DRC1: variants seen among roughly 807,000 people sequenced by gnomAD.
DRC1 encodes the protein dynein regulatory complex protein 1.
Under a neutral mutation model 98.7 loss-of-function variants are expected in DRC1, and 74 were observed. The observed-to-expected ratio is 0.75, with a 90% CI of 0.62 to 0.91. DRC1 has a LOEUF of 0.91. DRC1 is among the 40% of genes least tolerant of loss of function. The pLI, the probability that DRC1 is intolerant of heterozygous loss-of-function variation, is 0.00. For missense variants in DRC1, 875 were observed against 886.0 expected, an observed-to-expected ratio of 0.99 and a Z score of 0.16; for synonymous variants, 336 against 334.1, an observed-to-expected ratio of 1.01 and a Z score of -0.06.
At chr2:26,424,867 G>A (rs750632277) in intron 4 of DRC1, among the ~76,000 whole-genome samples, 13 of 152,194 alleles carry the variant, frequency 8.5e-5, no homozygotes, top group Admixed American at 3.3e-4. Context: ...CAGGAGGGTC[G>A]CCTTAACATG....
At chr2:26,427,109 A>C (rs1457631699) in intron 4 of DRC1, among the ~76,000 whole-genome samples, 1 of 152,006 alleles carries the variant, frequency 6.6e-6, no homozygotes, top group East Asian at 1.9e-4. Flanking sequence ...AAATTTTTTA[A>C]ACATTTAATT....
At chr2:26,430,499 AG>A (rs1333344980) in intron 5 of DRC1, 1 of 533,032 alleles carries the variant, frequency 1.9e-6, no homozygotes, top group Non-Finnish European at 3.7e-6. Flanking sequence ...GACTGCCAAC[AG>A]GGGCACTGGC....
intron 3 of DRC1, among the ~76,000 whole-genome samples, chr2:26,422,423 C>A (rs997523420): frequency 2.0e-5 from 3 of 152,154 alleles, no homozygotes; most frequent in Non-Finnish European, 4.4e-5. Context: ...CAAGAACCTG[C>A]GTCAAGTCCT....
chr2:26,424,625 G>A (rs1663237436), intron 4 of DRC1, among the ~76,000 whole-genome samples, 171 bp downstream of exon 4: 1 of 152,134 alleles, frequency 6.6e-6, no homozygotes, highest in African/African-American at 2.4e-5. Flanking sequence ...GAAACACATA[G>A]CATTAAATTT....
Position 26,429,743 on chromosome 2 carries a change from G to A in DRC1, c.656G>A (p.Arg219His), listed in dbSNP as rs541474349. Residue 219 changes from arginine (R) to histidine (H), a missense_variant, in exon 5 of 17, where the codon CGT (arginine) becomes CAT (histidine). By Grantham distance (29) the Arg-to-His change is conservative (BLOSUM62 0). Transcript: ENST00000288710. ...EQVKNVMKTFREELYNIEKAF... is the reference protein window; with the variant it reads ...EQVKNVMKTFHEELYNIEKAF... The stretch of plus-strand genomic sequence containing the variant: ...GTGAAGAATGTGATGAAAACCTTTC[G>A]TGAGGAGCTCTATAACATTGAGGTA... 56 of 1,614,118 alleles carry A rather than the reference G, an allele frequency of 3.5e-5. No individual in the cohort carries two copies. The South Asian group carries it at 3.7e-4, about 11-fold the overall frequency.
At chr2:26,414,021 C>A (rs768914991) in intron 1 of DRC1, among the ~76,000 whole-genome samples, 15 of 151,320 alleles carry the variant, frequency 9.9e-5, no homozygotes, top group Non-Finnish European at 1.6e-4. Context: ...CCTCCCAAAG[C>A]GCTGGGATTA....
In DRC1 at chr2:26,420,965, T is replaced by C. The variant is rs181580152; in HGVS notation, c.244-323T>C. On this transcript the variant is annotated intron_variant, in intron 2 of 16. Coordinates refer to ENST00000288710, the MANE Select transcript of DRC1 (RefSeq NM_145038.5). ...TTTTAGTAGAGATGGGGTTTCACCATGTTGGCCAAGCTGGTCTCGAACTCC... is the reference window on the plus strand; with the variant it reads ...TTTTAGTAGAGATGGGGTTTCACCACGTTGGCCAAGCTGGTCTCGAACTCC... Among the ~76,000 whole-genome samples the C allele has an allele frequency of 7.7e-4, 117 of 152,104 alleles. 1 individual carries two copies. The East Asian group carries it at 0.015, about 20-fold the overall frequency.
In DRC1 at chr2:26,444,771, G is replaced by A. The variant is rs1182364971; in HGVS notation, c.1219G>A (p.Glu407Lys). 4 of 1,614,086 alleles carry A rather than the reference G, an allele frequency of 2.5e-6. No individual in the cohort carries two copies. The highest frequency in any genetic ancestry group is 3.4e-6 in the Non-Finnish European group (4 of 1,180,028). ...TTGGGAGATTTGGCTGATGAATGAA[G>A]AGGAGGCGAAGGACCTAATAGCCAG... is the stretch of plus-strand genomic sequence containing the variant. Reference protein sequence around the residue: ...KFWEIWLMNEEEAKDLIARAF... With the variant: ...KFWEIWLMNEKEAKDLIARAF... Residue 407 changes from glutamate (E) to lysine (K), a missense_variant, in exon 10 of 17, where the codon GAG becomes AAG. Physicochemically the swap from Glu to Lys is moderately conservative, Grantham distance 56. Transcript: ENST00000288710.
In DRC1 at chr2:26,424,385, C is replaced by G; in HGVS notation, c.471C>G (p.Leu157=). The G allele has an allele frequency of 6.2e-7, 1 of 1,613,850 alleles. No individual in the cohort carries two copies. The highest frequency in any genetic ancestry group is 8.5e-7 in the Non-Finnish European group (1 of 1,179,982). The change falls in exon 4 of 17, where the codon CTC becomes CTG. Residue 157 remains leucine, a synonymous_variant. Coordinates refer to ENST00000288710, the MANE Select transcript of DRC1 (RefSeq NM_145038.5). ...KRIPQELWEM[L]NTQQLHCAGL... is the part of the protein sequence containing the mutation. The stretch of plus-strand genomic sequence containing the variant: ...TTCCCCAAGAGCTGTGGGAAATGCT[C>G]AATACCCAACAGCTGCACTGTGCTG...
chr2:26,424,004 G>T (rs576942316), intron 3 of DRC1, among the ~76,000 whole-genome samples: 2 of 152,280 alleles, frequency 1.3e-5, no homozygotes, highest in East Asian at 3.9e-4. Flanking sequence ...GTGTGTGCGT[G>T]TGCACGCGTG....
In DRC1 at chr2:26,423,998, G is replaced by T. The variant is rs535011321; in HGVS notation, c.357-273G>T. Among the ~76,000 whole-genome samples the T allele has an allele frequency of 5.9e-5, 9 of 152,324 alleles. No individual in the cohort carries two copies. The East Asian group carries it at 1.7e-3, about 29-fold the overall frequency. On this transcript the variant is annotated intron_variant, in intron 3 of 16. Coordinates refer to ENST00000288710, the MANE Select transcript of DRC1 (RefSeq NM_145038.5). ...AGGTGACCAATCGATCTTGGTGTGTGTGCGTGTGCACGCGTGTGTATGTGT... is the reference window on the plus strand; with the variant it reads ...AGGTGACCAATCGATCTTGGTGTGTTTGCGTGTGCACGCGTGTGTATGTGT...
intron 7 of DRC1, among the ~76,000 whole-genome samples, chr2:26,438,717 C>G (rs545416058): frequency 6.6e-6 from 1 of 152,270 alleles, no homozygotes. Flanking sequence ...AGCCAGGGGC[C>G]CTCCTCGAGT....
At chr2:26,423,451 AG>A (rs1663201417) in intron 3 of DRC1, among the ~76,000 whole-genome samples, 1 of 152,038 alleles carries the variant, frequency 6.6e-6, no homozygotes, top group African/African-American at 2.4e-5. Context: ...AGGAGCAGAG[AG>A]TCTCTGGCAG....
At chr2:26,412,375 CGAAAT>C (rs1440138562) in intron 1 of DRC1, among the ~76,000 whole-genome samples, 2 of 152,054 alleles carry the variant, frequency 1.3e-5, no homozygotes, top group Non-Finnish European at 2.9e-5. Flanking sequence ...TCTCAAAAAA[CGAAAT>C]GAAACCAAAC....
At chr2:26,428,252 A>C (rs542614327) in intron 4 of DRC1, among the ~76,000 whole-genome samples, 7 of 152,384 alleles carry the variant, frequency 4.6e-5, no homozygotes, top group African/African-American at 1.7e-4. Flanking sequence ...ATAGAAATAC[A>C]GTCATGCATC....
rs769605218 is a variant in DRC1, at chr2:26,454,751, A to G, written c.2024A>G (p.Asn675Ser). Residue 675 changes from asparagine to serine, a missense_variant, in exon 15 of 17, where the codon AAC (asparagine) becomes AGC (serine). By Grantham distance (46) the Asn-to-Ser change is conservative. Coordinates refer to ENST00000288710, the MANE Select transcript of DRC1 (RefSeq NM_145038.5). This position sits in a 1 kb window ranked among gnomAD's most constrained non-coding sequence, Gnocchi z 5.2. ...ACAGTGATCCCTTCCTCCAAGCAGA[A>G]CCTCTGGGATGCCCTCTACACAGCC... ...LTTVIPSSKQ[N>S]LWDALYTALE... 1.9e-6 allele frequency: 3 copies of G among 1,614,110 alleles called. No homozygotes were observed. The highest frequency in any genetic ancestry group is 2.2e-5 in the South Asian group (2 of 91,072).
chr2:26,432,762 T>C (rs1663469345), intron 7 of DRC1, among the ~76,000 whole-genome samples: 1 of 152,162 alleles, frequency 6.6e-6, no homozygotes, highest in South Asian at 2.1e-4. Context: ...AGCCATCAAG[T>C]GAGTCTCTCC....
chr2:26,421,559 T>C (rs75721304), intron 3 of DRC1, among the ~76,000 whole-genome samples, 159 bp downstream of exon 3: 2,045 of 127,496 alleles, frequency 0.016, 33 homozygotes, highest in African/African-American at 0.063. Flanking sequence ...TTCTCTCTCT[T>C]TTTTTTTTTT....
chr2:26,418,602 A>AT (rs1356246899), intron 2 of DRC1, among the ~76,000 whole-genome samples: 23 of 91,928 alleles, frequency 2.5e-4, no homozygotes, highest in South Asian at 2.2e-3. Flanking sequence ...TAATTTATAT[A>AT]ATATATAAAT....
Sources: gnomAD v4.1 joint callset for allele counts (sites outside exome capture counted in the v4.1 genomes callset) on GRCh38, gnomAD v4.1.1 for gene constraint, Gnocchi (gnomAD v3.1) non-coding constraint, MANE v1.5 for transcripts, NCBI Gene and HGNC (gene_info 2026-07-23, HGNC 2026-07-21) for gene names.